RTN4: variants seen among roughly 807,000 people sequenced by gnomAD.
RTN4 encodes the protein reticulon 4.
RTN4 carries 32 observed loss-of-function variants against 90.4 expected under a neutral mutation model. The ratio of observed to expected loss-of-function variants is 0.35; its 90% CI spans 0.27 to 0.48. The LOEUF (loss-of-function observed/expected upper bound fraction) is 0.48, where lower values mean the gene tolerates loss of function less well. RTN4 is among the 20% of genes least tolerant of loss of function. The pLI, the probability that RTN4 is intolerant of heterozygous loss-of-function variation, is 0.99. For synonymous variants in RTN4, 629 were observed against 552.5 expected, an observed-to-expected ratio of 1.14 and a Z score of -1.94; for missense variants, 1,706 against 1,430.2, an observed-to-expected ratio of 1.19 and a Z score of -3.11.
intron 1 of RTN4, among the ~76,000 whole-genome samples, chr2:55,099,162 G>C (rs934267728): frequency 1.3e-5 from 2 of 152,028 alleles, no homozygotes; most frequent in African/African-American, 2.4e-5. Context: ...GCACTATTTA[G>C]TTACTGGGGC....
In RTN4 at chr2:55,026,378, T is replaced by G; in HGVS notation, c.1721A>C (p.Glu574Ala). Residue 574 changes from glutamate (E) to alanine (A), a missense_variant, in exon 3 of 9, where the codon GAA (glutamate) becomes GCA (alanine). Transcript: ENST00000337526. ...NEVTGTKIAY[E>A]TKMDLVQTSE... ...TGTTTGAACCAAGTCCATTTTTGTT[T>G]CATAAGCAATCTTTGTACCAGTAAC... 1.9e-6 allele frequency: 3 copies of G among 1,613,992 alleles called. No individual in the cohort carries two copies. Among genetic ancestry groups the G allele is most frequent in the African/African-American group, 1.3e-5 (1 of 75,040 alleles).
intron 4 of RTN4, among the ~76,000 whole-genome samples, chr2:54,986,443 C>T (rs1678569537): frequency 6.6e-6 from 1 of 152,212 alleles, no homozygotes; most frequent in Admixed American, 6.5e-5. Flanking sequence ...CATGAATGAG[C>T]ATGGCTGTGT....
chr2:54,990,887 G>A (rs958497031), intron 3 of RTN4, among the ~76,000 whole-genome samples: 3 of 151,912 alleles, frequency 2.0e-5, no homozygotes, highest in African/African-American at 7.3e-5. Context: ...CCAGGTTCAT[G>A]GCATTCTCCT....
intron 3 of RTN4, among the ~76,000 whole-genome samples, chr2:54,998,898 C>T (rs977969795): frequency 6.6e-6 from 1 of 152,082 alleles, no homozygotes; most frequent in Non-Finnish European, 1.5e-5. Context: ...TTCTTGGTTC[C>T]TCAAGTCTCC....
intron 2 of RTN4, among the ~76,000 whole-genome samples, chr2:55,058,650 C>T (rs1668233640): frequency 6.6e-6 from 1 of 152,110 alleles, no homozygotes; most frequent in Non-Finnish European, 1.5e-5. Context: ...ATTGGGTCTG[C>T]AGCTGCTGGA....
At chr2:54,973,697 G>A in intron 7 of RTN4, 76 bp from the exon 8 acceptor site, 1 of 1,499,384 alleles carries the variant, frequency 6.7e-7, no homozygotes, top group South Asian at 1.1e-5. Flanking sequence ...CAAGCTAAAG[G>A]CTTAAGAAAC....
intron 5 of RTN4, among the ~76,000 whole-genome samples, chr2:54,976,717 A>C (rs1384465508): frequency 6.6e-6 from 1 of 152,234 alleles, no homozygotes; most frequent in Non-Finnish European, 1.5e-5. Flanking sequence ...AACCATTATT[A>C]ATGGGAATCC....
chr2:55,007,456 G>A (rs143446990), intron 3 of RTN4, among the ~76,000 whole-genome samples: 9 of 151,892 alleles, frequency 5.9e-5, no homozygotes, highest in Non-Finnish European at 8.8e-5. Context: ...TGTCTTCTGC[G>A]GTCTGGCCCA....
Position 55,050,163 on chromosome 2 carries a change from G to A in RTN4, c.138C>T (p.Asp46=), listed in dbSNP as rs1558856180. 1 of 1,563,198 alleles carries A rather than the reference G, an allele frequency of 6.4e-7. No homozygotes were observed. Among genetic ancestry groups the A allele is most frequent in the Admixed American group, 1.8e-5 (1 of 55,236 alleles). The change falls in exon 1 of 9, where the codon GAC becomes GAT. Residue 46 remains aspartate, a synonymous_variant. Transcript: ENST00000337526. The surrounding 1 kb of genome is among the most constrained non-coding windows in gnomAD (Gnocchi z 4.6). ...EEEEEEEEDE[D]EDLEELEVLE... ...GCACCTCCAGCTCCTCCAGGTCTTC[G>A]TCCTCGTCCTCCTCTTCCTCCTCCT...
intron 1 of RTN4, among the ~76,000 whole-genome samples, chr2:55,040,566 T>G (rs1683002823): frequency 1.3e-5 from 2 of 152,270 alleles, no homozygotes; most frequent in South Asian, 4.1e-4. Context: ...AAAGAACACG[T>G]AGGCAGACCT....
At chr2:55,110,881 A>C (rs1259280555) in intron 1 of RTN4, among the ~76,000 whole-genome samples, 3 of 152,160 alleles carry the variant, frequency 2.0e-5, no homozygotes, top group African/African-American at 7.2e-5. Context: ...TCTCTACTAA[A>C]AATACAAAAA....
At chr2:55,059,838 AAGAG>A (rs1236703861) in intron 2 of RTN4, among the ~76,000 whole-genome samples, 1 of 151,734 alleles carries the variant, frequency 6.6e-6, no homozygotes, top group Non-Finnish European at 1.5e-5. Flanking sequence ...TGTCTCAAAA[AAGAG>A]AGAGAGAGAA....
At chr2:55,105,879 C>T (rs1217630660) in intron 1 of RTN4, among the ~76,000 whole-genome samples, 1 of 152,076 alleles carries the variant, frequency 6.6e-6, no homozygotes, top group Admixed American at 6.6e-5. Context: ...ACTCTGGAGG[C>T]TGAGGCCAGA....
intron 3 of RTN4, chr2:55,010,052 T>A (rs1553438789): frequency 1.2e-6 from 2 of 1,607,092 alleles, no homozygotes; most frequent in Admixed American, 3.4e-5. Flanking sequence ...TGGTCACATA[T>A]AAAAACTGAA....
chr2:55,103,857 C>T (rs2105059201), intron 1 of RTN4, among the ~76,000 whole-genome samples: 1 of 151,736 alleles, frequency 6.6e-6, no homozygotes, highest in Non-Finnish European at 1.5e-5. Context: ...ACCACACCCG[C>T]CTAATTTTTG....
At chr2:55,040,275 T>C (rs1451072767) in intron 1 of RTN4, among the ~76,000 whole-genome samples, 3 of 152,206 alleles carry the variant, frequency 2.0e-5, no homozygotes, top group Non-Finnish European at 2.9e-5. Flanking sequence ...AAACTTTCCA[T>C]AATTTAACAA....
intron 3 of RTN4, among the ~76,000 whole-genome samples, chr2:55,010,862 C>A (rs1045449440): frequency 1.3e-5 from 2 of 152,140 alleles, no homozygotes; most frequent in South Asian, 4.1e-4. Context: ...CAGAGACTTA[C>A]AAACATACAC....
the RTN4 span, among the ~76,000 whole-genome samples, chr2:55,129,037 G>A: frequency 6.6e-6 from 1 of 151,244 alleles, no homozygotes; most frequent in African/African-American, 2.4e-5. Context: ...GAAGCCAGGA[G>A]GTAGAGGTTG....
intron 1 of RTN4, among the ~76,000 whole-genome samples, chr2:55,035,859 T>C (rs1682642701): frequency 6.6e-6 from 1 of 152,144 alleles, no homozygotes; most frequent in Admixed American, 6.5e-5. Flanking sequence ...TGTCTACTTA[T>C]CAAAATGAAA....
Sources: gnomAD v4.1 joint callset for allele counts (sites outside exome capture counted in the v4.1 genomes callset) on GRCh38, gnomAD v4.1.1 for gene constraint, Gnocchi (gnomAD v3.1) non-coding constraint, MANE v1.5 for transcripts, NCBI Gene and HGNC (gene_info 2026-07-23, HGNC 2026-07-21) for gene names.